LHFPL1: variants seen among roughly 807,000 people sequenced by gnomAD.
LHFPL1 encodes LHFPL tetraspan subfamily member 1.
In LHFPL1, 4 loss-of-function variants were observed where a neutral mutation model predicts 12.1. The ratio of observed to expected loss-of-function variants is 0.33; its 90% confidence interval spans 0.16 to 0.76. The LOEUF is 0.76. LHFPL1 is among the 30% of genes least tolerant of loss of function. LHFPL1 has a pLI of 0.61. For synonymous variants in LHFPL1, 52 were observed against 61.9 expected, an observed-to-expected ratio of 0.84 and a Z score of 0.75; for missense variants, 141 against 174.1, an observed-to-expected ratio of 0.81 and a Z score of 1.07.
chrX:112,667,088 A>G (rs1035087145), intron 2 of LHFPL1, among the ~76,000 whole-genome samples: 1 of 111,905 alleles, frequency 8.9e-6, no homozygotes, highest in African/African-American at 3.3e-5. Context: ...TAAAACTCTG[A>G]AGGACTTTCC....
At chrX:112,644,870 GT>G (rs1390912718) in intron 3 of LHFPL1, among the ~76,000 whole-genome samples, 1 of 112,313 alleles carries the variant, frequency 8.9e-6, no homozygotes, top group African/African-American at 3.2e-5. Context: ...GAAAGAAAAG[GT>G]AACAGGAAAT....
chrX:112,679,510 A>G (rs1473157870), intron 1 of LHFPL1, among the ~76,000 whole-genome samples: 1 of 111,777 alleles, frequency 8.9e-6, no homozygotes, highest in Non-Finnish European at 1.9e-5. Flanking sequence ...CCACTCCCAG[A>G]AACAGGCACT....
At chrX:112,633,009 T>C (rs113860916) in intron 3 of LHFPL1, among the ~76,000 whole-genome samples, 6,451 of 112,128 alleles carry the variant, frequency 0.058, 177 homozygotes, top group Middle Eastern at 0.13. Context: ...GCTGGGCTCA[T>C]GTCACCTCAA....
chrX:112,639,809 C>T (rs1277958691), intron 3 of LHFPL1, among the ~76,000 whole-genome samples: 1 of 112,244 alleles, frequency 8.9e-6, no homozygotes, highest in African/African-American at 3.2e-5. Context: ...CTTTAGCTGC[C>T]TCTGAAAAAC....
At chrX:112,656,783 G>C (rs1931017148) in intron 3 of LHFPL1, among the ~76,000 whole-genome samples, 1 of 112,361 alleles carries the variant, frequency 8.9e-6, no homozygotes. Context: ...AGTCAAAAAT[G>C]TATTTAATAT....
intron 2 of LHFPL1, among the ~76,000 whole-genome samples, chrX:112,668,066 G>A (rs752071623): frequency 6.3e-5 from 7 of 111,326 alleles, no homozygotes; most frequent in Admixed American, 4.8e-4. Context: ...AATGTATTTC[G>A]GTTAATGCGC....
intron 3 of LHFPL1, among the ~76,000 whole-genome samples, chrX:112,644,453 T>TTGTG (rs111620839): frequency 0.058 from 6,100 of 104,734 alleles, 171 homozygotes; most frequent in Middle Eastern, 0.13. Flanking sequence ...TTTCTCCTGT[T>TTGTG]TGTGTGTGTG....
In LHFPL1 at chrX:112,671,421, A is replaced by G; in HGVS notation, c.-14-17T>C. 8.3e-7 allele frequency: 1 copy of G among 1,210,738 alleles called. No homozygotes were observed. Among genetic ancestry groups the G allele is most frequent in the Non-Finnish European group, 1.1e-6 (1 of 895,282 alleles). On this transcript the variant is annotated splice_polypyrimidine_tract_variant and intron_variant, in intron 1 of 3. Coordinates refer to ENST00000371968, the MANE Select transcript of LHFPL1 (RefSeq NM_178175.4). The stretch of plus-strand genomic sequence containing the variant: ...CAGGTTTCTCTGCAGGGATGGGGAG[A>G]TGAGTTGGATCACAGCACCAAATGC...
chrX:112,662,501 A>G (rs1931219139), intron 2 of LHFPL1, among the ~76,000 whole-genome samples: 1 of 112,389 alleles, frequency 8.9e-6, no homozygotes, highest in African/African-American at 3.2e-5. Flanking sequence ...CTCAGTACTC[A>G]TTGAGGCCGC....
intron 3 of LHFPL1, among the ~76,000 whole-genome samples, chrX:112,657,819 T>C (rs944385985): frequency 9.2e-6 from 1 of 109,120 alleles, no homozygotes; most frequent in African/African-American, 3.4e-5. Flanking sequence ...AGAGCTAAAA[T>C]TATAAAACTC....
At chrX:112,662,397 A>G (rs771565371) in intron 2 of LHFPL1, among the ~76,000 whole-genome samples, 1 of 112,178 alleles carries the variant, frequency 8.9e-6, no homozygotes, top group South Asian at 3.8e-4. Context: ...GAGTCCATAT[A>G]TACTCTAAGA....
chrX:112,648,817 A>G (rs1378207018), intron 3 of LHFPL1: 1 of 111,865 alleles, frequency 8.9e-6, no homozygotes, highest in Non-Finnish European at 1.9e-5. Flanking sequence ...TAGGTATAGA[A>G]GGTATAAGTT....
rs746975566 is a variant in LHFPL1, at chrX:112,668,486, G to A, written c.382+2523C>T. Among the ~76,000 whole-genome samples, 3 of 112,751 alleles carry A rather than the reference G, an allele frequency of 2.7e-5. No individual in the cohort carries two copies. The South Asian group carries it at 1.1e-3, about 41-fold the overall frequency. ...AGGGATAAACCTGATAGCACACCCA[G>A]GGTCTTGAAGACTTGTAGGACTACT... is the stretch of plus-strand genomic sequence containing the variant. On this transcript the variant is annotated intron_variant, in intron 2 of 3. Transcript: ENST00000371968.
intron 1 of LHFPL1, among the ~76,000 whole-genome samples, chrX:112,673,671 A>G (rs1239966210): frequency 8.9e-6 from 1 of 111,762 alleles, no homozygotes; most frequent in African/African-American, 3.3e-5. Flanking sequence ...AAATTTACAA[A>G]TGAGCAAATT....
intron 2 of LHFPL1, among the ~76,000 whole-genome samples, chrX:112,670,656 G>T (rs1017605872): frequency 1.3e-4 from 15 of 112,392 alleles, no homozygotes. Flanking sequence ...TAGAAATTAA[G>T]TTTATGTTGG....
At chrX:112,638,065 G>A (rs753702860) in intron 3 of LHFPL1, among the ~76,000 whole-genome samples, 118 of 111,804 alleles carry the variant, frequency 1.1e-3, no homozygotes, top group African/African-American at 3.6e-3. Context: ...CAAGGGTGTA[G>A]ATTGTATTCC....
In LHFPL1 at chrX:112,671,180, C is replaced by G. The variant is rs1347670501; in HGVS notation, c.211G>C (p.Ala71Pro). Residue 71 changes from alanine (A) to proline (P), a missense_variant, in exon 2 of 4, where the codon GCC (alanine) becomes CCC (proline). Coordinates refer to ENST00000371968, the MANE Select transcript of LHFPL1 (RefSeq NM_178175.4). ...LIMVEECGRY[A>P]SFNAIPSLAW... Reference sequence around the variant, plus strand: ...AGGCTTGGGATGGCATTGAAGCTGGCATAGCGCCCACATTCTTCCACCATG... The same window carrying G: ...AGGCTTGGGATGGCATTGAAGCTGGGATAGCGCCCACATTCTTCCACCATG... The G allele has an allele frequency of 8.3e-7, 1 of 1,210,819 alleles. No individual in the cohort carries two copies. Among genetic ancestry groups the G allele is most frequent in the Admixed American group, 2.2e-5 (1 of 45,894 alleles).
chrX:112,675,119 G>C (rs1931619571), intron 1 of LHFPL1, among the ~76,000 whole-genome samples: 1 of 111,203 alleles, frequency 9.0e-6, no homozygotes, highest in Non-Finnish European at 1.9e-5. Flanking sequence ...GGACTTTGGG[G>C]ACTTGGGGGG....
intron 3 of LHFPL1, among the ~76,000 whole-genome samples, chrX:112,655,287 G>C (rs1051828697): frequency 1.8e-5 from 2 of 112,101 alleles, no homozygotes; most frequent in Non-Finnish European, 3.8e-5. Context: ...TTGGGGAATA[G>C]GAATTGGAGA....
Sources: gnomAD v4.1 joint callset for allele counts (sites outside exome capture counted in the v4.1 genomes callset) on GRCh38, gnomAD v4.1.1 for gene constraint, MANE v1.5 for transcripts, NCBI Gene and HGNC (gene_info 2026-07-23, HGNC 2026-07-21) for gene names.